RABEP1: variants seen among roughly 807,000 people sequenced by gnomAD.
RABEP1 encodes rabaptin, RAB GTPase binding effector protein 1, also known as rab GTPase-binding effector protein 1.
A neutral mutation model predicts 123.4 loss-of-function variants in RABEP1; 51 were observed. The ratio of observed to expected loss-of-function variants is 0.41; its 90% CI spans 0.33 to 0.52. The LOEUF (loss-of-function observed/expected upper bound fraction) is 0.52, where lower values mean the gene tolerates loss of function less well. Ranked by LOEUF, RABEP1 falls within the 20% of genes least tolerant of loss-of-function variation. The pLI, the probability that RABEP1 is intolerant of heterozygous loss-of-function variation, is 0.16. For synonymous variants in RABEP1, 347 were observed against 355.2 expected, an observed-to-expected ratio of 0.98 and a Z score of 0.26; for missense variants, 888 against 996.3, an observed-to-expected ratio of 0.89 and a Z score of 1.46.
chr17:5,351,498 AT>A (rs1908549633), intron 7 of RABEP1, among the ~76,000 whole-genome samples: 1 of 152,122 alleles, frequency 6.6e-6, no homozygotes, highest in Non-Finnish European at 1.5e-5. Flanking sequence ...TAGTTATACT[AT>A]AAGTATGTAT....
chr17:5,329,391 C>T (rs1017939486), intron 2 of RABEP1, among the ~76,000 whole-genome samples: 3 of 151,930 alleles, frequency 2.0e-5, no homozygotes, highest in Non-Finnish European at 4.4e-5. Flanking sequence ...ATTAGCTGGG[C>T]GTGGTGGCAC....
In RABEP1 at chr17:5,330,373, T is replaced by C. The variant is rs72836386; in HGVS notation, c.164-1576T>C. 6.0e-4 allele frequency among the ~76,000 whole-genome samples: 91 copies of C among 152,346 alleles called. 1 individual carries two copies. Among genetic ancestry groups the C allele is most frequent in the Non-Finnish European group, 1.0e-3 (68 of 68,028 alleles). Reference sequence around the variant, plus strand: ...AGAGAGTAAAGATTTCAAAACAACTTAGCATGACTAGGTGTTTCCCTCTGT... The same window carrying C: ...AGAGAGTAAAGATTTCAAAACAACTCAGCATGACTAGGTGTTTCCCTCTGT... On this transcript the variant is annotated intron_variant, in intron 2 of 17. Transcript: ENST00000537505.
At chr17:5,311,944 A>G (rs1051541322) in intron 2 of RABEP1, among the ~76,000 whole-genome samples, 3 of 152,106 alleles carry the variant, frequency 2.0e-5, no homozygotes, top group Non-Finnish European at 2.9e-5. Flanking sequence ...TATTACAGCA[A>G]TTATTATTCA....
chr17:5,335,832 A>G (rs1333569935), intron 4 of RABEP1, among the ~76,000 whole-genome samples: 2 of 152,054 alleles, frequency 1.3e-5, no homozygotes, highest in African/African-American at 2.4e-5. Context: ...TGTATATCCT[A>G]AATGCCTAGC....
chr17:5,287,087 C>CGG (rs1047893351), intron 1 of RABEP1, among the ~76,000 whole-genome samples: 1 of 152,056 alleles, frequency 6.6e-6, no homozygotes, highest in Non-Finnish European at 1.5e-5. Context: ...AATGATGTTA[C>CGG]GGGGCCTGGG....
intron 2 of RABEP1, among the ~76,000 whole-genome samples, chr17:5,324,030 A>C (rs1008375481): frequency 1.3e-5 from 2 of 151,924 alleles, no homozygotes; most frequent in Non-Finnish European, 2.9e-5. Context: ...CAATTTACAG[A>C]TTCAATACAA....
chr17:5,339,081 C>T (rs932967772), intron 5 of RABEP1, among the ~76,000 whole-genome samples: 2 of 151,888 alleles, frequency 1.3e-5, no homozygotes, highest in African/African-American at 2.4e-5. Context: ...TACTTCAGCC[C>T]GGGAGTTTGA....
intron 10 of RABEP1, chr17:5,364,365 A>G (rs1442887795): frequency 6.6e-6 from 1 of 152,236 alleles, no homozygotes; most frequent in African/African-American, 2.4e-5. Flanking sequence ...GTTACGAAAT[A>G]ATGGGAATGT....
At chr17:5,328,381 A>G (rs1906176866) in intron 2 of RABEP1, among the ~76,000 whole-genome samples, 1 of 152,108 alleles carries the variant, frequency 6.6e-6, no homozygotes, top group Non-Finnish European at 1.5e-5. Context: ...GTAGTAGCTC[A>G]TGCCTGTAAT....
chr17:5,328,625 G>A lies in RABEP1; in HGVS notation c.164-3324G>A, dbSNP rs1223223453. Among the ~76,000 whole-genome samples the A allele has an allele frequency of 3.6e-5, 5 of 138,186 alleles. No homozygotes were observed. The East Asian group carries it at 1.0e-3, about 28-fold the overall frequency. 90.7% of individuals were successfully genotyped at this position (138,186 alleles called of 152,430 possible). ...CGCACCACTGCACTCTAGCCTGGGC[G>A]ATAGAGTGAGACGCTGTGTTAAAAA... is the stretch of plus-strand genomic sequence containing the variant. On this transcript the variant is annotated intron_variant, in intron 2 of 17. Transcript: ENST00000537505.
chr17:5,323,951 A>G (rs1567522370), intron 2 of RABEP1, among the ~76,000 whole-genome samples: 1 of 151,036 alleles, frequency 6.6e-6, no homozygotes, highest in Non-Finnish European at 1.5e-5. Context: ...ACACATACAA[A>G]TGGAAAGATG....
chr17:5,312,658 T>G (rs528931517), intron 2 of RABEP1, among the ~76,000 whole-genome samples: 2 of 152,286 alleles, frequency 1.3e-5, no homozygotes, highest in African/African-American at 4.8e-5. Flanking sequence ...AAGCTGATGT[T>G]CATGTCTAGT....
intron 1 of RABEP1, among the ~76,000 whole-genome samples, chr17:5,299,719 C>CTCTT: frequency 1.0e-5 from 1 of 98,836 alleles, no homozygotes; most frequent in Non-Finnish European, 1.9e-5. Context: ...TTTTTCTTTT[C>CTCTT]TTTTTCTTTT....
chr17:5,316,847 A>T (rs2075301969), intron 2 of RABEP1, among the ~76,000 whole-genome samples: 1 of 151,144 alleles, frequency 6.6e-6, no homozygotes, highest in African/African-American at 2.4e-5. Context: ...AAAAAAAAAA[A>T]AAAAAAAAAT....
At chr17:5,314,388 G>A (rs1336442460) in intron 2 of RABEP1, among the ~76,000 whole-genome samples, 2 of 151,180 alleles carry the variant, frequency 1.3e-5, no homozygotes, top group African/African-American at 4.9e-5. Context: ...GACTACAGGC[G>A]GGTGCCACCA....
intron 12 of RABEP1, among the ~76,000 whole-genome samples, chr17:5,369,044 A>G (rs1043750438): frequency 2.6e-5 from 4 of 152,192 alleles, no homozygotes; most frequent in African/African-American, 7.2e-5. Flanking sequence ...GGGAGGCTGA[A>G]GTTGCAGTGA....
chr17:5,374,626 T>C (rs988211280), intron 13 of RABEP1, among the ~76,000 whole-genome samples: 1 of 149,406 alleles, frequency 6.7e-6, no homozygotes, highest in African/African-American at 2.5e-5. Flanking sequence ...TTTTTATTTT[T>C]TTTATTATTT....
intron 4 of RABEP1, among the ~76,000 whole-genome samples, chr17:5,336,280 T>G (rs7214522): frequency 0.12 from 18,883 of 152,136 alleles, 1,904 homozygotes; most frequent in East Asian, 0.49. Flanking sequence ...ATTTTAGAAC[T>G]GTTTTTGATT....
chr17:5,298,078 C>G (rs1458692079), intron 1 of RABEP1, among the ~76,000 whole-genome samples: 1 of 152,184 alleles, frequency 6.6e-6, no homozygotes, highest in African/African-American at 2.4e-5. Flanking sequence ...TCTGTTCCCT[C>G]TCTGTGTATG....
Sources: allele counts gnomAD v4.1 joint callset (sites outside exome capture counted in the v4.1 genomes callset), GRCh38; gene constraint gnomAD v4.1.1; transcripts MANE v1.5; gene names NCBI Gene and HGNC (gene_info 2026-07-23, HGNC 2026-07-21).